The following PPP2R5A variants were observed in gnomAD, a reference collection of about 807,000 sequenced individuals.
PPP2R5A encodes the protein protein phosphatase 2 regulatory subunit B'alpha, also known as serine/threonine-protein phosphatase 2A 56 kDa regulatory subunit alpha isoform.
A neutral mutation model predicts 64.2 loss-of-function variants in PPP2R5A; 25 were observed. The observed-to-expected ratio is 0.39, with a 90% CI of 0.28 to 0.54. PPP2R5A has a LOEUF of 0.54. PPP2R5A is among the 20% of genes least tolerant of loss of function. The pLI, the probability that PPP2R5A is intolerant of heterozygous loss-of-function variation, is 0.67. For synonymous variants in PPP2R5A, 198 were observed against 201.2 expected (o/e 0.98, Z 0.13); for missense variants, 425 against 576.3 (o/e 0.74, Z 2.69).
At chr1:212,324,114 A>T (rs1030868304) in intron 1 of PPP2R5A, among the ~76,000 whole-genome samples, 1 of 152,086 alleles carries the variant, frequency 6.6e-6, no homozygotes, top group Non-Finnish European at 1.5e-5. Flanking sequence ...ACCTACTACG[A>T]TTATGCTTAA....
chr1:212,347,494 T>C, intron 6 of PPP2R5A, 88 bp downstream of exon 6: 1 of 1,019,302 alleles, frequency 9.8e-7, no homozygotes, highest in Non-Finnish European at 1.5e-6. Context: ...AGAAATTATG[T>C]CATATTTTAG....
intron 2 of PPP2R5A, among the ~76,000 whole-genome samples, chr1:212,332,699 A>G (rs531079051): frequency 1.3e-5 from 2 of 152,266 alleles, no homozygotes; most frequent in Admixed American, 1.3e-4. Flanking sequence ...TGTGGTATGT[A>G]TGTATAAGAA....
chr1:212,286,370 T>C (rs1344766164), intron 1 of PPP2R5A, 79 bp downstream of exon 1: 1 of 1,374,256 alleles, frequency 7.3e-7, no homozygotes, highest in Non-Finnish European at 9.4e-7. Context: ...AGCCATTTCC[T>C]GCTGGGTTTC....
intron 8 of PPP2R5A, among the ~76,000 whole-genome samples, chr1:212,356,322 T>C (rs889644877): frequency 1.9e-4 from 29 of 152,226 alleles, no homozygotes; most frequent in Admixed American, 1.3e-4. Context: ...TGTGTTTAAT[T>C]GATCACTTGC....
At chr1:212,314,273 C>G (rs1477922472) in intron 1 of PPP2R5A, among the ~76,000 whole-genome samples, 1 of 152,302 alleles carries the variant, frequency 6.6e-6, no homozygotes, top group African/African-American at 2.4e-5. Flanking sequence ...CTCTAGTTTT[C>G]TAGTCCTTTA....
At chr1:212,312,648 G>GA (rs1659061019) in intron 1 of PPP2R5A, among the ~76,000 whole-genome samples, 2 of 152,098 alleles carry the variant, frequency 1.3e-5, no homozygotes, top group South Asian at 4.1e-4. Flanking sequence ...GAAAACCTAA[G>GA]AGGAGATGGG....
intron 1 of PPP2R5A, among the ~76,000 whole-genome samples, chr1:212,325,586 CTT>C (rs890175611): frequency 1.3e-5 from 2 of 152,004 alleles, no homozygotes; most frequent in African/African-American, 2.4e-5. Flanking sequence ...TCTTAAAACT[CTT>C]TTAGAACGCA....
chr1:212,294,281 T>G (rs1005680976), intron 1 of PPP2R5A, among the ~76,000 whole-genome samples: 3 of 152,098 alleles, frequency 2.0e-5, no homozygotes, highest in African/African-American at 4.8e-5. Context: ...TTGATAAAAG[T>G]GAAAAAGGGA....
chr1:212,351,919 A>G (rs1659887838), intron 8 of PPP2R5A, among the ~76,000 whole-genome samples: 1 of 151,884 alleles, frequency 6.6e-6, no homozygotes, highest in Non-Finnish European at 1.5e-5. Flanking sequence ...CACCGTTCTT[A>G]TTCCAAGAAA....
chr1:212,355,395 C>T (rs903364374), intron 8 of PPP2R5A, among the ~76,000 whole-genome samples: 1 of 152,012 alleles, frequency 6.6e-6, no homozygotes. Flanking sequence ...GGATTGTCTC[C>T]AAAACAGTAT....
chr1:212,327,365 T>A (rs1659423729), intron 1 of PPP2R5A, among the ~76,000 whole-genome samples: 1 of 152,224 alleles, frequency 6.6e-6, no homozygotes, highest in Non-Finnish European at 1.5e-5. Flanking sequence ...TTTGTTAGAA[T>A]CAAATCAATA....
At chr1:212,325,551 G>A (rs772494657) in intron 1 of PPP2R5A, among the ~76,000 whole-genome samples, 23 of 152,006 alleles carry the variant, frequency 1.5e-4, no homozygotes, top group Non-Finnish European at 2.8e-4. Flanking sequence ...TACTATTAGC[G>A]TTAGGGAAAA....
intron 1 of PPP2R5A, among the ~76,000 whole-genome samples, chr1:212,286,695 C>T (rs1658510744): frequency 6.6e-6 from 1 of 152,154 alleles, no homozygotes; most frequent in South Asian, 2.1e-4. Context: ...GTGTCAGCTC[C>T]TCTGTTCGGC....
chr1:212,323,037 CA>C (rs1228831061), intron 1 of PPP2R5A, among the ~76,000 whole-genome samples: 1 of 152,206 alleles, frequency 6.6e-6, no homozygotes, highest in Non-Finnish European at 1.5e-5. Flanking sequence ...CTGCCCGCCT[CA>C]GCCTCCCAAA....
chr1:212,360,938 C>T lies in PPP2R5A; in HGVS notation c.*168C>T. The stretch of plus-strand genomic sequence containing the variant: ...GACTAAACGTAGCCCTGTGCTGTAT[C>T]ATGGCCATAGTATATTGTAACCTTT... On this transcript the variant is annotated 3_prime_UTR_variant, in exon 13 of 13. Transcript: ENST00000261461. 2.1e-6 allele frequency: 1 copy of T among 474,338 alleles called. No individual in the cohort carries two copies. Among genetic ancestry groups the T allele is most frequent in the South Asian group, 8.2e-5 (1 of 12,256 alleles). The allele number at this position is 474,338 out of a possible 1,614,324, so 29.4% of individuals were successfully genotyped here.
At chr1:212,353,281 A>G (rs1659919283) in intron 8 of PPP2R5A, among the ~76,000 whole-genome samples, 1 of 152,218 alleles carries the variant, frequency 6.6e-6, no homozygotes, top group Non-Finnish European at 1.5e-5. Context: ...CAGCGAGTCT[A>G]CTAGTAAGAC....
At chr1:212,326,370 G>C (rs1659407807) in intron 1 of PPP2R5A, among the ~76,000 whole-genome samples, 1 of 151,994 alleles carries the variant, frequency 6.6e-6, no homozygotes, top group Non-Finnish European at 1.5e-5. Context: ...GAGGCAGGCG[G>C]ATCATTTGAG....
At chr1:212,352,355 T>C (rs1357184293) in intron 8 of PPP2R5A, among the ~76,000 whole-genome samples, 5 of 151,958 alleles carry the variant, frequency 3.3e-5, no homozygotes, top group Non-Finnish European at 7.4e-5. Context: ...TGGGGGCCAC[T>C]AGTCAACCCA....
intron 1 of PPP2R5A, among the ~76,000 whole-genome samples, chr1:212,300,539 C>T (rs11119905): frequency 0.12 from 17,710 of 152,140 alleles, 2,611 homozygotes; most frequent in African/African-American, 0.35. Context: ...AAAATTCCCA[C>T]CCAGAGGAAA....
Sources: gnomAD v4.1 joint callset for allele counts (sites outside exome capture counted in the v4.1 genomes callset) on GRCh38, gnomAD v4.1.1 for gene constraint, MANE v1.5 for transcripts, NCBI Gene and HGNC (gene_info 2026-07-23, HGNC 2026-07-21) for gene names.